The following RAB19 variants were observed in gnomAD, a reference collection of about 807,000 sequenced individuals.
RAB19 encodes ras-related protein Rab-19.
RAB19 carries 21 observed loss-of-function variants against 17.3 expected under a neutral mutation model. That is an observed-to-expected ratio of 1.21 (90% CI 0.86 to 1.74). The LOEUF (loss-of-function observed/expected upper bound fraction) is 1.74, where lower values mean the gene tolerates loss of function less well. Among genes scored for constraint, RAB19 ranks in the 40% most tolerant of loss-of-function variants. The probability of loss-of-function intolerance (pLI) is 0.00; values close to 1 mark genes in which losing one functional copy is unlikely to be tolerated. For synonymous variants in RAB19, 126 were observed against 110.4 expected, an observed-to-expected ratio of 1.14 and a Z score of -0.88; for missense variants, 277 against 286.8, an observed-to-expected ratio of 0.97 and a Z score of 0.25.
chr7:140,413,518 G>C (rs1205352135), intron 3 of RAB19, among the ~76,000 whole-genome samples: 1 of 152,060 alleles, frequency 6.6e-6, no homozygotes, highest in Non-Finnish European at 1.5e-5. Context: ...AACATAGTGA[G>C]ACTTCATCTC....
chr7:140,411,783 G>A (rs746195225), intron 2 of RAB19, 91 bp from the exon 3 acceptor site: 1 of 1,607,676 alleles, frequency 6.2e-7, no homozygotes, highest in Non-Finnish European at 8.5e-7. Flanking sequence ...GTGAGACCCA[G>A]AAAACTGTGT....
At chr7:140,408,247 TCAGTA>T (rs1373990902) in intron 2 of RAB19, among the ~76,000 whole-genome samples, 3 of 151,892 alleles carry the variant, frequency 2.0e-5, no homozygotes, top group Non-Finnish European at 2.9e-5. Context: ...ATAAAAGATT[TCAGTA>T]CAAAACATGA....
At chr7:140,409,859 G>A (rs1269693044) in intron 2 of RAB19, among the ~76,000 whole-genome samples, 1 of 151,644 alleles carries the variant, frequency 6.6e-6, no homozygotes, top group East Asian at 2.0e-4. Context: ...CGGGCCTGGT[G>A]GCGGGTGCCT....
At position 140,420,437 on chromosome 7, in the gene RAB19, A is replaced by AG. The variant is rs1195721562; in HGVS notation, c.386-5445_386-5444insG. 2.3e-3 allele frequency among the ~76,000 whole-genome samples: 345 copies of AG among 149,926 alleles called. 3 individuals are homozygous for AG. The highest frequency in any genetic ancestry group is 7.4e-3 in the African/African-American group (298 of 40,444). ...CTCCATATCAAAAAAAAAAAAAAAA[A>AG]AAGAAGAAGAAGAAGGAGCAGAAGG... On this transcript the variant is annotated intron_variant, in intron 3 of 3. Coordinates refer to ENST00000537763, the MANE Select transcript of RAB19 (RefSeq NM_001008749.3).
At chr7:140,412,551 A>G (rs1799386649) in intron 3 of RAB19, among the ~76,000 whole-genome samples, 1 of 150,394 alleles carries the variant, frequency 6.6e-6, no homozygotes, top group Middle Eastern at 3.4e-3. Context: ...AATTTTTTGT[A>G]AAGACGGGGT....
chr7:140,408,923 T>C (rs1799298982), intron 2 of RAB19, among the ~76,000 whole-genome samples: 1 of 152,066 alleles, frequency 6.6e-6, no homozygotes, highest in Non-Finnish European at 1.5e-5. Flanking sequence ...CATGCCCAAC[T>C]CCTTTTTTAA....
At chr7:140,405,027 A>T (rs889659695) in intron 1 of RAB19, among the ~76,000 whole-genome samples, 3 of 152,158 alleles carry the variant, frequency 2.0e-5, no homozygotes, top group Admixed American at 6.6e-5. Context: ...TTGTGATCAG[A>T]GATATTTAAG....
intron 2 of RAB19, among the ~76,000 whole-genome samples, chr7:140,411,504 C>T (rs1228660584): frequency 1.4e-5 from 2 of 147,306 alleles, no homozygotes; most frequent in South Asian, 4.3e-4. Flanking sequence ...TTGGGCCACA[C>T]AAATTACACT....
chr7:140,411,873 G>A lies in RAB19; in HGVS notation c.202-1G>A. The A allele has an allele frequency of 6.2e-7, 1 of 1,614,160 alleles. No homozygotes were observed. Among genetic ancestry groups the A allele is most frequent in the Non-Finnish European group, 8.5e-7 (1 of 1,180,018 alleles). On this transcript the variant is annotated splice_acceptor_variant, in intron 2 of 3. Coordinates refer to ENST00000537763, the MANE Select transcript of RAB19 (RefSeq NM_001008749.3). LOFTEE classifies it high-confidence loss of function. ...GGACTCTCCTTCCTGTCCTTCTCCA[G>A]ATGCAGGTGTGGGACACAGCTGGCC...
chr7:140,410,243 C>G (rs998142202), intron 2 of RAB19, among the ~76,000 whole-genome samples: 3 of 150,840 alleles, frequency 2.0e-5, no homozygotes, highest in African/African-American at 7.3e-5. Flanking sequence ...AGGAATCCTC[C>G]TGCCTCAGTC....
chr7:140,408,176 C>T (rs994228442), intron 2 of RAB19, among the ~76,000 whole-genome samples: 4 of 151,782 alleles, frequency 2.6e-5, no homozygotes, highest in Non-Finnish European at 4.4e-5. Context: ...TGAGCCACCG[C>T]GCCTGGCCAG....
intron 3 of RAB19, 38 bp from the exon 4 acceptor site, chr7:140,425,844 G>C: frequency 6.4e-7 from 1 of 1,568,850 alleles, no homozygotes. Context: ...ACCAGATTAA[G>C]TTACTCAATG....
chr7:140,411,185 G>A (rs1799353840), intron 2 of RAB19: 2 of 1,211,112 alleles, frequency 1.7e-6, no homozygotes, highest in Admixed American at 4.3e-5. Flanking sequence ...AGATCACAAG[G>A]TCAGGAGATC....
At chr7:140,423,859 TC>T (rs977653514) in intron 3 of RAB19, among the ~76,000 whole-genome samples, 8 of 152,250 alleles carry the variant, frequency 5.3e-5, no homozygotes, top group African/African-American at 1.9e-4. Context: ...AACTTTTTTT[TC>T]CTTTTTTTTT....
intron 2 of RAB19, among the ~76,000 whole-genome samples, chr7:140,410,462 G>A (rs1799338511): frequency 6.6e-6 from 1 of 151,912 alleles, no homozygotes; most frequent in African/African-American, 2.4e-5. Context: ...GAGTAGCTGG[G>A]ACTACAGGCG....
rs1179822762 is a variant in RAB19 at position 140,426,444 on chromosome 7, TTTTCTG to T, written c.*296_*301del. On this transcript the variant is annotated 3_prime_UTR_variant, in exon 4 of 4. Transcript: ENST00000537763. Reference sequence around the variant, plus strand: ...GAAGTGTACTCTTCTCCCCTTTCACTTTTCTGTCTCCCTAGAGCTTCTGCTGCTTTC... The same window carrying T: ...GAAGTGTACTCTTCTCCCCTTTCACTTCTCCCTAGAGCTTCTGCTGCTTTC... Among the ~76,000 whole-genome samples the T allele has an allele frequency of 1.3e-5, 2 of 152,166 alleles. No individual in the cohort carries two copies. Among genetic ancestry groups the T allele is most frequent in the African/African-American group, 4.8e-5 (2 of 41,442 alleles).
In RAB19 at chr7:140,426,248, C is replaced by T. The variant is rs1410922328; in HGVS notation, c.*98C>T. 4 of 1,416,880 alleles carry T rather than the reference C, an allele frequency of 2.8e-6. No homozygotes were observed. The highest frequency in any genetic ancestry group is 2.4e-5 in the Admixed American group (1 of 41,274). 87.8% of individuals were successfully genotyped at this position (1,416,880 alleles called of 1,614,324 possible). A position where few individuals can be genotyped will look rare whatever the true frequency, so the allele number is the denominator to read the frequency against. On this transcript the variant is annotated 3_prime_UTR_variant, in exon 4 of 4. Coordinates refer to ENST00000537763, the MANE Select transcript of RAB19 (RefSeq NM_001008749.3). ...GTTGCCCCAGTGGCGCTTTAGACCC[C>T]AGCGTGGACTTGCCGCTCACCCCTA...
rs375880877 is a variant in RAB19 at position 140,411,945 on chromosome 7, C to A, written c.273C>A (p.His91Gln). ...TITQSYYRSA[H>Q]AAIIAYDLTR... The stretch of plus-strand genomic sequence containing the variant: ...CCCAAAGCTACTACCGCAGTGCCCA[C>A]GCAGCCATCATCGCCTATGACCTCA... The change falls in exon 3 of 4, where the codon CAC becomes CAA. Residue 91 changes from histidine (H) to glutamine (Q), a missense_variant. His to Gln is a conservative substitution (Grantham distance 24, BLOSUM62 0). Coordinates refer to ENST00000537763, the MANE Select transcript of RAB19 (RefSeq NM_001008749.3). 1 of 1,614,206 alleles carries A rather than the reference C, an allele frequency of 6.2e-7. No homozygotes were observed. Among genetic ancestry groups the A allele is most frequent in the East Asian group, 2.2e-5 (1 of 44,880 alleles).
intron 2 of RAB19, chr7:140,410,917 GTAT>G: frequency 7.3e-7 from 1 of 1,367,352 alleles, no homozygotes; most frequent in Non-Finnish European, 9.8e-7. Flanking sequence ...AATTTGGGAG[GTAT>G]TATTGTGAGA....
Sources: allele counts gnomAD v4.1 joint callset (sites outside exome capture counted in the v4.1 genomes callset), GRCh38; gene constraint gnomAD v4.1.1; transcripts MANE v1.5; gene names NCBI Gene and HGNC (gene_info 2026-07-23, HGNC 2026-07-21).